The following FRMPD4 variants were observed in gnomAD, a reference collection of about 807,000 sequenced individuals.
FRMPD4 encodes the protein FERM and PDZ domain containing 4, also known as FERM and PDZ domain-containing protein 4.
Under a neutral mutation model 94.1 loss-of-function variants are expected in FRMPD4, and 22 were observed. That is an observed-to-expected ratio of 0.23 (90% CI 0.17 to 0.33). The LOEUF (loss-of-function observed/expected upper bound fraction) is 0.33, where lower values mean the gene tolerates loss of function less well. Ranked by LOEUF, FRMPD4 falls within the 10% of genes least tolerant of loss-of-function variation. The pLI, the probability that FRMPD4 is intolerant of heterozygous loss-of-function variation, is 1.00. For synonymous variants in FRMPD4, 631 were observed against 548.6 expected (o/e 1.15, Z -2.10); for missense variants, 1,111 against 1,339.9 (o/e 0.83, Z 2.67).
intron 1 of FRMPD4, among the ~76,000 whole-genome samples, chrX:12,316,724 A>T (rs957526943): frequency 2.7e-5 from 3 of 110,962 alleles, no homozygotes; most frequent in Non-Finnish European, 5.7e-5. Context: ...AGCATTACAA[A>T]GAGTACCATT....
intron 1 of FRMPD4, among the ~76,000 whole-genome samples, chrX:12,343,811 A>G (rs938860987): frequency 8.9e-6 from 1 of 112,014 alleles, no homozygotes; most frequent in African/African-American, 3.3e-5. Flanking sequence ...TCGCTACAGC[A>G]GCATGACCTC....
In FRMPD4 at chrX:12,138,948, G is replaced by T; in HGVS notation, c.-24G>T. On this transcript the variant is annotated 5_prime_UTR_variant, in exon 1 of 17. Coordinates refer to ENST00000675598, the MANE Select transcript of FRMPD4 (RefSeq NM_001368397.1). Reference sequence around the variant, plus strand: ...TGAGAAGGGGCGACGGAGTTGTCGCGCTCGGGGGTCCCCAGCTGCCTGCAT... The same window carrying T: ...TGAGAAGGGGCGACGGAGTTGTCGCTCTCGGGGGTCCCCAGCTGCCTGCAT... The T allele has an allele frequency of 8.7e-7, 1 of 1,144,982 alleles. No homozygotes were observed. Among genetic ancestry groups the T allele is most frequent in the African/African-American group, 1.8e-5 (1 of 55,804 alleles). The allele number at this position is 1,144,982 out of a possible 1,213,427, so 94.4% of individuals were successfully genotyped here.
intron 1 of FRMPD4, among the ~76,000 whole-genome samples, chrX:12,472,897 T>G: frequency 9.9e-6 from 1 of 100,586 alleles, no homozygotes; most frequent in East Asian, 3.0e-4. Flanking sequence ...CTGCAGGATA[T>G]TATCCAGGAG....
intron 3 of FRMPD4, among the ~76,000 whole-genome samples, chrX:11,913,048 A>G (rs765537552): frequency 8.9e-6 from 1 of 112,245 alleles, no homozygotes; most frequent in Non-Finnish European, 1.9e-5. Context: ...TGAAATTCAT[A>G]AATTCATAGC....
chrX:12,190,530 G>T (rs918872121), intron 1 of FRMPD4, among the ~76,000 whole-genome samples: 3 of 110,212 alleles, frequency 2.7e-5, no homozygotes, highest in African/African-American at 9.9e-5. Flanking sequence ...GTTGGCAAAA[G>T]AATAGACAAA....
chrX:12,565,060 C>T (rs1339266105), intron 2 of FRMPD4, among the ~76,000 whole-genome samples: 2 of 95,530 alleles, frequency 2.1e-5, no homozygotes, highest in Admixed American at 1.2e-4. Flanking sequence ...GCACTCCAGC[C>T]TGGGTGACAG....
chrX:12,516,401 C>T (rs927696841), intron 2 of FRMPD4, among the ~76,000 whole-genome samples: 5 of 111,812 alleles, frequency 4.5e-5, no homozygotes, highest in Non-Finnish European at 5.6e-5. Flanking sequence ...CTGGTGGTGA[C>T]GAATTCCCTC....
At chrX:11,994,242 T>C (rs909366801) in intron 3 of FRMPD4, among the ~76,000 whole-genome samples, 2 of 111,209 alleles carry the variant, frequency 1.8e-5, no homozygotes, top group Non-Finnish European at 3.8e-5. Context: ...CAAAGGTCCA[T>C]AGTGCCAAAG....
chrX:12,654,493 T>C (rs763236192), intron 4 of FRMPD4, among the ~76,000 whole-genome samples: 122 of 111,947 alleles, frequency 1.1e-3, no homozygotes, highest in African/African-American at 3.8e-3. Context: ...ACAAGAAATA[T>C]GTGAATATGT....
chrX:12,387,761 A>C (rs1323112494), intron 1 of FRMPD4, among the ~76,000 whole-genome samples: 2 of 108,160 alleles, frequency 1.8e-5, no homozygotes, highest in Admixed American at 9.9e-5. Flanking sequence ...TATATGATAT[A>C]AGACAAATTC....
chrX:12,618,254 T>C lies in FRMPD4; in HGVS notation c.422+3373T>C, dbSNP rs755417319. On this transcript the variant is annotated intron_variant, in intron 4 of 16. Coordinates refer to ENST00000675598, the MANE Select transcript of FRMPD4 (RefSeq NM_001368397.1). ...TATTGCCCATAGAAACATTATGAAT[T>C]GTGCCTTGCCTTCCCACTCCCACGG... Among the ~76,000 whole-genome samples, 3 of 112,003 alleles carry C rather than the reference T, an allele frequency of 2.7e-5. No homozygotes were observed. The South Asian group carries it at 1.1e-3, about 42-fold the overall frequency.
At chrX:11,855,152 G>A (rs1380595593) in intron 1 of FRMPD4, among the ~76,000 whole-genome samples, 2 of 112,789 alleles carry the variant, frequency 1.8e-5, no homozygotes, top group Non-Finnish European at 3.8e-5. Flanking sequence ...AATGGCCTGA[G>A]CTGTATGTTG....
chrX:12,714,322 G>A (rs1001548067), intron 14 of FRMPD4, among the ~76,000 whole-genome samples: 6 of 111,280 alleles, frequency 5.4e-5, no homozygotes, highest in Non-Finnish European at 7.5e-5. Flanking sequence ...TCTGGTGGCC[G>A]CCAGCATTCC....
At chrX:12,226,552 T>A (rs891145348) in intron 1 of FRMPD4, among the ~76,000 whole-genome samples, 21 of 111,291 alleles carry the variant, frequency 1.9e-4, no homozygotes, top group African/African-American at 6.9e-4. Flanking sequence ...GCTAACAAGG[T>A]AGCTTGCCAC....
intron 4 of FRMPD4, among the ~76,000 whole-genome samples, chrX:12,630,754 T>C (rs1478106309): frequency 1.8e-5 from 2 of 112,024 alleles, no homozygotes. Flanking sequence ...CAACACAATG[T>C]TGTCACTATT....
chrX:12,414,440 TTGTTA>T (rs1569266742), intron 1 of FRMPD4, among the ~76,000 whole-genome samples: 1 of 112,739 alleles, frequency 8.9e-6, no homozygotes, highest in East Asian at 2.8e-4. Flanking sequence ...TTAATTTATT[TTGTTA>T]TGTTATTTGA....
intron 1 of FRMPD4, among the ~76,000 whole-genome samples, chrX:12,312,239 C>CTTTTTTTTTTT (rs200625685): frequency 4.9e-5 from 3 of 61,544 alleles, no homozygotes; most frequent in Non-Finnish European, 9.0e-5. Flanking sequence ...TGCTCCATTA[C>CTTTTTTTTTTT]TTTTTTTTTT....
chrX:12,655,618 A>G (rs1318732441), intron 4 of FRMPD4, among the ~76,000 whole-genome samples: 2 of 112,328 alleles, frequency 1.8e-5, no homozygotes, highest in Non-Finnish European at 3.8e-5. Context: ...GTGAACTTAA[A>G]TTTAAACAGC....
At chrX:12,111,736 C>T (rs1487051242) in intron 3 of FRMPD4, among the ~76,000 whole-genome samples, 4 of 111,616 alleles carry the variant, frequency 3.6e-5, no homozygotes, top group Non-Finnish European at 7.5e-5. Flanking sequence ...AAAAAACAAC[C>T]CCATCAACAA....
Sources: gnomAD v4.1 joint callset for allele counts (sites outside exome capture counted in the v4.1 genomes callset) on GRCh38, gnomAD v4.1.1 for gene constraint, MANE v1.5 for transcripts, NCBI Gene and HGNC (gene_info 2026-07-23, HGNC 2026-07-21) for gene names.